CRACD: variants seen among roughly 807,000 people sequenced by gnomAD.
CRACD encodes the protein capping protein-inhibiting regulator of actin dynamics.
A neutral mutation model predicts 106.8 loss-of-function variants in CRACD; 56 were observed. The observed-to-expected ratio is 0.52, with a 90% CI of 0.42 to 0.66. The LOEUF (loss-of-function observed/expected upper bound fraction) is 0.66, where lower values mean the gene tolerates loss of function less well. CRACD is among the 30% of genes least tolerant of loss of function. The pLI is 0.00. For synonymous variants in CRACD, 754 were observed against 670.8 expected, an observed-to-expected ratio of 1.12 and a Z score of -1.92; for missense variants, 1,730 against 1,623.2, an observed-to-expected ratio of 1.07 and a Z score of -1.13.
intron 1 of CRACD, among the ~76,000 whole-genome samples, chr4:56,066,200 G>A (rs1732461472): frequency 6.6e-6 from 1 of 152,198 alleles, no homozygotes; most frequent in African/African-American, 2.4e-5. Context: ...GGCAGATGCT[G>A]TGGCTCTCCG....
intron 2 of CRACD, chr4:56,196,554 T>C (rs976535735): frequency 6.6e-6 from 1 of 152,598 alleles, no homozygotes; most frequent in Admixed American, 6.5e-5. Flanking sequence ...ACCTCATCTG[T>C]CTAGGACACA....
intron 1 of CRACD, among the ~76,000 whole-genome samples, chr4:56,171,097 G>A (rs1046160695): frequency 6.6e-6 from 1 of 152,088 alleles, no homozygotes; most frequent in Admixed American, 6.6e-5. Context: ...AACTAATCGG[G>A]CATGGAAAAT....
rs547545963 is a variant in CRACD at position 56,257,230 on chromosome 4, C to T, written c.-188-15091C>T. Among the ~76,000 whole-genome samples, 3 of 152,010 alleles carry T rather than the reference C, an allele frequency of 2.0e-5. No individual in the cohort carries two copies. In the East Asian group the frequency reaches 5.8e-4, roughly 29 times the overall value. On this transcript the variant is annotated intron_variant, in intron 2 of 10. Transcript: ENST00000682029. ...CCAAGTAGCTGGGATTACAGGTGCC[C>T]ACCACCATGCCTGGCTAATTCTTAT... is the stretch of plus-strand genomic sequence containing the variant.
At chr4:56,303,433 C>T (rs1744486555) in intron 4 of CRACD, among the ~76,000 whole-genome samples, 1 of 148,848 alleles carries the variant, frequency 6.7e-6, no homozygotes, top group South Asian at 2.1e-4. Flanking sequence ...TCTCTGAAAA[C>T]TTAAAGTCTG....
intron 3 of CRACD, among the ~76,000 whole-genome samples, chr4:56,289,749 G>T (rs1054913876): frequency 6.6e-6 from 1 of 151,130 alleles, no homozygotes; most frequent in Non-Finnish European, 1.5e-5. Context: ...ATTTGCAATC[G>T]TGGGTGAACT....
At chr4:56,286,852 C>T (rs1303068365) in intron 3 of CRACD, among the ~76,000 whole-genome samples, 1 of 151,992 alleles carries the variant, frequency 6.6e-6, no homozygotes, top group African/African-American at 2.4e-5. Context: ...GCAACGGCTT[C>T]AACATAAAAA....
chr4:56,300,909 A>C (rs1271417685), intron 4 of CRACD, among the ~76,000 whole-genome samples: 2 of 152,242 alleles, frequency 1.3e-5, no homozygotes, highest in Non-Finnish European at 2.9e-5. Flanking sequence ...ATAAAATGTA[A>C]AATGACTAAC....
Position 56,307,572 on chromosome 4 carries a change from C to G in CRACD, c.158C>G (p.Ser53Ter). 1.2e-6 allele frequency: 2 copies of G among 1,614,152 alleles called. No individual in the cohort carries two copies. Among genetic ancestry groups the G allele is most frequent in the Non-Finnish European group, 1.7e-6 (2 of 1,180,032 alleles). Residue 53 changes from serine (S) to a stop codon, truncating the protein, a stop_gained, in exon 5 of 11, where the codon TCA becomes TGA. Coordinates refer to ENST00000682029, the MANE Select transcript of CRACD (RefSeq NM_001393381.1). LOFTEE classifies it high-confidence loss of function. Reference sequence around the variant, plus strand: ...AAGAATATCAAGTTTGGGCAGCGGTCACCCAATGCCATTCCCATGAATAAG... The same window carrying G: ...AAGAATATCAAGTTTGGGCAGCGGTGACCCAATGCCATTCCCATGAATAAG... Reference protein sequence around the residue: ...LGKNIKFGQRSPNAIPMNKAN... With the variant: ...LGKNIKFGQR
rs113607288 is a variant in CRACD at position 56,307,960 on chromosome 4, G to T, written c.285+261G>T. The stretch of plus-strand genomic sequence containing the variant: ...TTCAAGGCTTATGCCTACCTCTTCT[G>T]GGAAGCCGTACCTGGCCTCACCCCA... On this transcript the variant is annotated intron_variant, in intron 5 of 10. Coordinates refer to ENST00000682029, the MANE Select transcript of CRACD (RefSeq NM_001393381.1). Among the ~76,000 whole-genome samples, 1,024 of 152,280 alleles carry T rather than the reference G, an allele frequency of 6.7e-3. 13 individuals are homozygous for T. Among genetic ancestry groups the T allele is most frequent in the African/African-American group, 0.024 (981 of 41,554 alleles).
chr4:56,119,777 C>T (rs777178264), intron 1 of CRACD, among the ~76,000 whole-genome samples: 2 of 152,154 alleles, frequency 1.3e-5, no homozygotes, highest in African/African-American at 2.4e-5. Flanking sequence ...TTTAATTGGA[C>T]GCTTGCAGAT....
At chr4:56,243,111 T>G (rs1332505920) in intron 2 of CRACD, among the ~76,000 whole-genome samples, 1 of 152,152 alleles carries the variant, frequency 6.6e-6, no homozygotes, top group Non-Finnish European at 1.5e-5. Context: ...CTGGGTAGAG[T>G]CTGCCTCTTC....
At chr4:56,241,845 G>C (rs1326785926) in intron 2 of CRACD, among the ~76,000 whole-genome samples, 1 of 152,210 alleles carries the variant, frequency 6.6e-6, no homozygotes, top group Non-Finnish European at 1.5e-5. Flanking sequence ...TGAGCCAGAG[G>C]GAGAAACTGA....
chr4:56,325,722 A>C (rs1746398990), intron 10 of CRACD, among the ~76,000 whole-genome samples: 1 of 152,152 alleles, frequency 6.6e-6, no homozygotes, highest in African/African-American at 2.4e-5. Flanking sequence ...CAGGCTCCCT[A>C]CCAGTGATTA....
chr4:56,091,487 G>C (rs1733424346), intron 1 of CRACD, among the ~76,000 whole-genome samples: 1 of 152,040 alleles, frequency 6.6e-6, no homozygotes, highest in Admixed American at 6.6e-5. Context: ...TGGATTCCCA[G>C]GATAGCCCAT....
intron 2 of CRACD, among the ~76,000 whole-genome samples, chr4:56,254,105 A>G (rs1159555946): frequency 6.6e-6 from 1 of 152,206 alleles, no homozygotes; most frequent in Non-Finnish European, 1.5e-5. Flanking sequence ...TCTCCCCAGA[A>G]TAGGACCATG....
chr4:56,271,651 T>C (rs1370812479), intron 2 of CRACD, among the ~76,000 whole-genome samples: 1 of 152,216 alleles, frequency 6.6e-6, no homozygotes, highest in Non-Finnish European at 1.5e-5. Flanking sequence ...ATCTGCTTTG[T>C]TAAAGAAAGC....
chr4:56,304,788 A>T (rs140786231), intron 4 of CRACD, among the ~76,000 whole-genome samples: 301 of 152,212 alleles, frequency 2.0e-3, no homozygotes, highest in African/African-American at 6.8e-3. Flanking sequence ...ACTCTAAAAA[A>T]ATAAAATTTA....
At chr4:56,071,120 A>C (rs1310254746) in intron 1 of CRACD, among the ~76,000 whole-genome samples, 1 of 152,196 alleles carries the variant, frequency 6.6e-6, no homozygotes, top group Non-Finnish European at 1.5e-5. Context: ...ATGGCATGAT[A>C]GCCCTATTTG....
intron 1 of CRACD, among the ~76,000 whole-genome samples, chr4:56,169,027 T>A (rs73817389): frequency 0.025 from 3,865 of 152,260 alleles, 159 homozygotes; most frequent in African/African-American, 0.083. Flanking sequence ...ACTACCTTTG[T>A]TGATGGGGCT....
Sources: allele counts gnomAD v4.1 joint callset (sites outside exome capture counted in the v4.1 genomes callset), GRCh38; gene constraint gnomAD v4.1.1; transcripts MANE v1.5; gene names NCBI Gene and HGNC (gene_info 2026-07-23, HGNC 2026-07-21).